The following ZFR variants were observed in gnomAD, a reference collection of about 807,000 sequenced individuals.
ZFR encodes the protein zinc finger RNA-binding protein.
Under a neutral mutation model 130.7 loss-of-function variants are expected in ZFR, and 19 were observed. That is an observed-to-expected ratio of 0.15 (90% CI 0.10 to 0.21). The LOEUF (loss-of-function observed/expected upper bound fraction) is 0.21. Among genes scored for constraint, ZFR ranks in the 10% least tolerant of loss-of-function variants. The pLI is 1.00. For missense variants in ZFR, 872 were observed against 1,321.5 expected (o/e 0.66, Z 5.27); for synonymous variants, 466 against 456.9 (o/e 1.02, Z -0.25).
rs1327105578 is a variant in ZFR, at chr5:32,395,177, C to T, written c.1961G>A (p.Arg654His). ...EYWRRREEEERWRMEMRRYEE... is the reference protein window; with the variant it reads ...EYWRRREEEEHWRMEMRRYEE... ...ATATTACCTCATTTCCATTCTCCAA[C>T]GCTCCTCTTCTTCTCGTCTTCGCCA... The change falls in exon 11 of 20, where the codon CGT becomes CAT. Residue 654 changes from arginine (R) to histidine (H), a missense_variant. Around this residue, in one of 7 missense-constraint regions of ZFR, gnomAD observed 225 missense variants for 282.4 expected, o/e 0.80. Transcript: ENST00000265069. 6.9e-6 allele frequency: 11 copies of T among 1,601,350 alleles called. No individual in the cohort carries two copies. Among genetic ancestry groups the T allele is most frequent in the Admixed American group, 1.7e-5 (1 of 57,678 alleles).
At chr5:32,394,631 G>A (rs1046735212) in intron 11 of ZFR, among the ~76,000 whole-genome samples, 1 of 152,108 alleles carries the variant, frequency 6.6e-6, no homozygotes, top group African/African-American at 2.4e-5. Context: ...GTGATGAACT[G>A]TTCTAAATTG....
intron 17 of ZFR, 33 bp from the exon 18 acceptor site, chr5:32,364,308 C>A: frequency 1.3e-6 from 2 of 1,499,360 alleles, no homozygotes; most frequent in South Asian, 2.6e-5. Flanking sequence ...TGTTTAACAG[C>A]TTACCAAAGG....
At chr5:32,415,973 T>TC (rs34673714) in intron 4 of ZFR, among the ~76,000 whole-genome samples, 94,528 of 150,588 alleles carry the variant, frequency 0.63, 29,905 homozygotes, top group African/African-American at 0.72. Context: ...ACTTTTATCT[T>TC]TTTTTTTTTT....
chr5:32,440,398 A>G (rs900892333), intron 2 of ZFR, among the ~76,000 whole-genome samples: 9 of 152,226 alleles, frequency 5.9e-5, no homozygotes, highest in Non-Finnish European at 1.2e-4. Flanking sequence ...CTGTAATCCC[A>G]GCACTTTTGG....
chr5:32,408,930 T>C (rs1237267702), intron 5 of ZFR, among the ~76,000 whole-genome samples: 2 of 152,256 alleles, frequency 1.3e-5, no homozygotes, highest in African/African-American at 4.8e-5. Context: ...ACTACTTTTC[T>C]CCTGGATATG....
chr5:32,439,751 A>AAGCTCAGGGGTTCAAGGCT (rs1259711816), intron 2 of ZFR, among the ~76,000 whole-genome samples: 1 of 141,038 alleles, frequency 7.1e-6, no homozygotes. Context: ...GGCTGCAGTG[A>AAGCTCAGGGGTTCAAGGCT]GCTATGATCA....
intron 17 of ZFR, chr5:32,365,066 T>G (rs753211957): frequency 6.6e-6 from 1 of 152,210 alleles, no homozygotes; most frequent in African/African-American, 2.4e-5. Flanking sequence ...TTGCCTACTA[T>G]GGACGTTTTA....
chr5:32,381,231 A>G (rs1306045629), intron 15 of ZFR, among the ~76,000 whole-genome samples: 1 of 152,186 alleles, frequency 6.6e-6, no homozygotes, highest in African/African-American at 2.4e-5. Flanking sequence ...ATGAAACTAA[A>G]CCAGGACAAG....
chr5:32,444,229 C>T lies in ZFR; in HGVS notation c.137G>A (p.Ser46Asn). Residue 46 changes from serine to asparagine, a missense_variant and splice_region_variant, in exon 2 of 20, where the codon AGC becomes AAC. Around this residue, in one of 7 missense-constraint regions of ZFR, gnomAD observed 240 missense variants for 441.2 expected, o/e 0.54. Coordinates refer to ENST00000265069, the MANE Select transcript of ZFR (RefSeq NM_016107.5). Reference protein sequence around the residue: ...AAAAAAAAQYSQQPASGVAYS... With the variant: ...AAAAAAAAQYNQQPASGVAYS... ...CAGAGAGAAGGCAGGATGCCGTTAC[C>T]TATATTGGGCCGCAGCCGCCGCCGC... 6.3e-7 allele frequency: 1 copy of T among 1,593,050 alleles called. No homozygotes were observed. The highest frequency in any genetic ancestry group is 8.5e-7 in the Non-Finnish European group (1 of 1,171,434).
At chr5:32,398,655 AAG>A (rs1200956709) in intron 9 of ZFR, among the ~76,000 whole-genome samples, 2 of 152,162 alleles carry the variant, frequency 1.3e-5, no homozygotes, top group African/African-American at 4.8e-5. Context: ...CTTGTAAACA[AAG>A]AATTCAATAC....
intron 4 of ZFR, 125 bp from the exon 5 acceptor site, chr5:32,415,312 T>C (rs1753795448): frequency 7.5e-6 from 6 of 795,656 alleles, no homozygotes; most frequent in Non-Finnish European, 1.2e-5. Context: ...ATGCCAGCAA[T>C]TTCTCCTTAG....
intron 17 of ZFR, among the ~76,000 whole-genome samples, chr5:32,365,187 C>G (rs530809500): frequency 1.3e-5 from 2 of 152,274 alleles, no homozygotes; most frequent in South Asian, 4.1e-4. Context: ...AATGAGACTA[C>G]CAACAGCAAT....
chr5:32,397,454 T>C, intron 9 of ZFR, 116 bp from the exon 10 acceptor site: 1 of 1,344,304 alleles, frequency 7.4e-7, no homozygotes. Context: ...CAATGTCTAT[T>C]ACATTTTTTT....
intron 2 of ZFR, among the ~76,000 whole-genome samples, chr5:32,440,138 G>GT (rs1314218433): frequency 6.6e-6 from 1 of 152,094 alleles, no homozygotes; most frequent in Non-Finnish European, 1.5e-5. Flanking sequence ...CTAGATTTAT[G>GT]TAAGTGCATT....
chr5:32,374,713 A>AAACT (rs1164508518), intron 17 of ZFR, among the ~76,000 whole-genome samples: 1 of 151,146 alleles, frequency 6.6e-6, no homozygotes, highest in Non-Finnish European at 1.5e-5. Flanking sequence ...GCAAACAAAC[A>AAACT]AACAAACAAG....
At chr5:32,376,531 T>C (rs906367908) in intron 17 of ZFR, among the ~76,000 whole-genome samples, 2 of 151,014 alleles carry the variant, frequency 1.3e-5, no homozygotes, top group African/African-American at 4.9e-5. Flanking sequence ...CTGTAGTGTG[T>C]AGTGAGCTGA....
intron 4 of ZFR, among the ~76,000 whole-genome samples, chr5:32,415,537 A>T (rs1408520966): frequency 8.4e-6 from 1 of 119,028 alleles, no homozygotes; most frequent in Non-Finnish European, 1.9e-5. Flanking sequence ...CGCGCGCACT[A>T]GTCAGTCTAC....
At chr5:32,370,310 G>GGAGGGA in intron 17 of ZFR, among the ~76,000 whole-genome samples, 1 of 69,856 alleles carries the variant, frequency 1.4e-5, no homozygotes, top group South Asian at 5.0e-4. Flanking sequence ...TGTTGTGGGG[G>GGAGGGA]GAGAGAGAGA....
intron 2 of ZFR, 81 bp from the exon 3 acceptor site, chr5:32,420,184 C>T: frequency 7.4e-7 from 1 of 1,342,990 alleles, no homozygotes; most frequent in South Asian, 2.3e-5. Context: ...AGCTATTCAA[C>T]TGAAATAAAA....
Sources: gnomAD v4.1 joint callset for allele counts (sites outside exome capture counted in the v4.1 genomes callset) on GRCh38, gnomAD v4.1.1 for gene constraint, gnomAD v4.1.1 regional missense constraint, MANE v1.5 for transcripts, NCBI Gene and HGNC (gene_info 2026-07-23, HGNC 2026-07-21) for gene names.